The following KCNT2 variants were observed in gnomAD, a reference collection of about 807,000 sequenced individuals.
KCNT2 encodes the protein potassium channel subfamily T member 2.
Under a neutral mutation model 153.8 loss-of-function variants are expected in KCNT2, and 67 were observed. That is an observed-to-expected ratio of 0.44 (90% CI 0.36 to 0.53). The LOEUF (loss-of-function observed/expected upper bound fraction) is 0.53, where lower values mean the gene tolerates loss of function less well. Among genes scored for constraint, KCNT2 ranks in the 20% least tolerant of loss-of-function variants. KCNT2 has a pLI of 0.00. For missense variants in KCNT2, 975 were observed against 1,354.8 expected (o/e 0.72, Z 4.40); for synonymous variants, 500 against 458.8 (o/e 1.09, Z -1.15).
chr1:196,509,561 T>C (rs1681444941), intron 1 of KCNT2, among the ~76,000 whole-genome samples: 1 of 152,216 alleles, frequency 6.6e-6, no homozygotes, highest in Non-Finnish European at 1.5e-5. Context: ...CATACATATC[T>C]GTTAAGCTAT....
chr1:196,256,020 AG>A (rs1291941141), intron 26 of KCNT2, among the ~76,000 whole-genome samples: 1 of 151,984 alleles, frequency 6.6e-6, no homozygotes, highest in Non-Finnish European at 1.5e-5. Flanking sequence ...ATCTCTCAAA[AG>A]GCAAATAAAA....
At chr1:196,299,839 G>T (rs1661015279) in intron 22 of KCNT2, among the ~76,000 whole-genome samples, 1 of 152,116 alleles carries the variant, frequency 6.6e-6, no homozygotes, top group African/African-American at 2.4e-5. Flanking sequence ...GCCAAGATAT[G>T]GAATTAACCT....
intron 27 of KCNT2, among the ~76,000 whole-genome samples, chr1:196,230,399 T>A (rs902844360): frequency 6.6e-6 from 1 of 151,900 alleles, no homozygotes; most frequent in Non-Finnish European, 1.5e-5. Flanking sequence ...AAAAAAGACT[T>A]CAAAATATCA....
chr1:196,295,688 T>G (rs1213001482), intron 22 of KCNT2, among the ~76,000 whole-genome samples: 8 of 151,942 alleles, frequency 5.3e-5, no homozygotes, highest in Non-Finnish European at 1.0e-4. Context: ...GGCAAAAAAA[T>G]TTAAAAATAA....
At chr1:196,527,821 C>T (rs1654439437) in intron 1 of KCNT2, among the ~76,000 whole-genome samples, 1 of 152,194 alleles carries the variant, frequency 6.6e-6, no homozygotes, top group Admixed American at 6.5e-5. Context: ...ACCCCTTTCA[C>T]ACACAGTGAC....
chr1:196,258,530 T>C (rs756033984), intron 25 of KCNT2, 36 bp from the exon 26 acceptor site: 2 of 1,249,088 alleles, frequency 1.6e-6, no homozygotes, highest in Admixed American at 2.1e-5. Context: ...TTAGATACTT[T>C]AGAAATAAAT....
chr1:196,428,322 A>G, intron 9 of KCNT2, 53 bp from the exon 10 acceptor site: 1 of 1,227,980 alleles, frequency 8.1e-7, no homozygotes, highest in Non-Finnish European at 1.2e-6. Flanking sequence ...AAATAAATAA[A>G]TCAATGCAAT....
chr1:196,556,462 G>A (rs574030263), intron 1 of KCNT2, among the ~76,000 whole-genome samples: 5 of 151,302 alleles, frequency 3.3e-5, no homozygotes, highest in South Asian at 4.1e-4. Flanking sequence ...CCTCTCACCC[G>A]AGTTAAAATG....
At chr1:196,264,848 C>T (rs1338517370) in intron 25 of KCNT2, among the ~76,000 whole-genome samples, 1 of 152,106 alleles carries the variant, frequency 6.6e-6, no homozygotes, top group Non-Finnish European at 1.5e-5. Context: ...CCTGGCTGGC[C>T]TAGAACTCCT....
At chr1:196,243,378 C>A (rs1285460079) in intron 26 of KCNT2, among the ~76,000 whole-genome samples, 1 of 152,076 alleles carries the variant, frequency 6.6e-6, no homozygotes, top group Non-Finnish European at 1.5e-5. Context: ...TTCATAAAAA[C>A]CAAAGATGAG....
intron 14 of KCNT2, among the ~76,000 whole-genome samples, chr1:196,364,166 A>T (rs1273634230): frequency 6.6e-6 from 1 of 152,172 alleles, no homozygotes; most frequent in Non-Finnish European, 1.5e-5. Flanking sequence ...TCTTTTGATA[A>T]TTGCACTATG....
intron 2 of KCNT2, 149 bp downstream of exon 2, chr1:196,492,113 A>C: frequency 1.3e-6 from 1 of 748,568 alleles, no homozygotes. Flanking sequence ...TGCTGGAAAA[A>C]ATAACCAATT....
At chr1:196,316,318 AT>A (rs1662715282) in intron 20 of KCNT2, among the ~76,000 whole-genome samples, 3 of 151,714 alleles carry the variant, frequency 2.0e-5, no homozygotes, top group African/African-American at 7.3e-5. Context: ...GAAATATGGA[AT>A]ACATCCATTT....
chr1:196,434,984 T>C (rs74136548), intron 8 of KCNT2, among the ~76,000 whole-genome samples: 2,973 of 151,148 alleles, frequency 0.02, 89 homozygotes, highest in African/African-American at 0.068. Context: ...AGGCCATTAC[T>C]GAAGTTGAAA....
intron 5 of KCNT2, among the ~76,000 whole-genome samples, chr1:196,474,182 T>C (rs914270066): frequency 6.6e-6 from 1 of 152,120 alleles, no homozygotes. Flanking sequence ...ATTTTTATCA[T>C]AAAGAAACAT....
intron 1 of KCNT2, among the ~76,000 whole-genome samples, chr1:196,538,092 G>T (rs114306885): frequency 0.011 from 1,698 of 152,056 alleles, 25 homozygotes; most frequent in South Asian, 0.063. Context: ...CAGGGACTGG[G>T]TGTGTACTTC....
At chr1:196,364,858 A>G (rs1667907776) in intron 14 of KCNT2, among the ~76,000 whole-genome samples, 1 of 152,114 alleles carries the variant, frequency 6.6e-6, no homozygotes, top group African/African-American at 2.4e-5. Context: ...CTTTCCCAAT[A>G]AGTTAATGAA....
intron 21 of KCNT2, among the ~76,000 whole-genome samples, chr1:196,309,527 A>G (rs1216440228): frequency 6.6e-6 from 1 of 151,902 alleles, no homozygotes; most frequent in Non-Finnish European, 1.5e-5. Context: ...TTCTACATAA[A>G]TGAACCTACA....
intron 14 of KCNT2, among the ~76,000 whole-genome samples, chr1:196,370,758 T>C (rs151006335): frequency 2.6e-5 from 4 of 152,190 alleles, no homozygotes; most frequent in Non-Finnish European, 5.9e-5. Context: ...TTTTCACAAA[T>C]GTTAACAGCA....
Sources: gnomAD v4.1 joint callset for allele counts (sites outside exome capture counted in the v4.1 genomes callset) on GRCh38, gnomAD v4.1.1 for gene constraint, MANE v1.5 for transcripts, NCBI Gene and HGNC (gene_info 2026-07-23, HGNC 2026-07-21) for gene names.